Variants in MACROD2 observed in about 807,000 individuals in gnomAD.
The protein encoded by MACROD2 is mono-ADP ribosylhydrolase 2.
Under a neutral mutation model 70.4 loss-of-function variants are expected in MACROD2, and 36 were observed. The observed-to-expected ratio is 0.51, with a 90% CI of 0.39 to 0.68. The LOEUF (loss-of-function observed/expected upper bound fraction) is 0.68. MACROD2 is among the 30% of genes least tolerant of loss of function. The probability of loss-of-function intolerance (pLI) is 0.00; values close to 1 mark genes in which losing one functional copy is unlikely to be tolerated. For synonymous variants in MACROD2, 172 were observed against 178.8 expected, an observed-to-expected ratio of 0.96 and a Z score of 0.30; for missense variants, 496 against 538.4, an observed-to-expected ratio of 0.92 and a Z score of 0.78.
chr20:15,723,191 G>A (rs1050052152), intron 8 of MACROD2, among the ~76,000 whole-genome samples: 5 of 152,070 alleles, frequency 3.3e-5, no homozygotes, highest in Non-Finnish European at 7.4e-5. Flanking sequence ...GATTTCTTGT[G>A]TACCCACCAC....
At chr20:15,828,671 T>C (rs1368839005) in intron 8 of MACROD2, among the ~76,000 whole-genome samples, 2 of 152,246 alleles carry the variant, frequency 1.3e-5, no homozygotes, top group East Asian at 1.9e-4. Context: ...GTTCACTGGG[T>C]ACATTCCAAA....
intron 3 of MACROD2, among the ~76,000 whole-genome samples, chr20:14,228,093 T>G (rs1247743894): frequency 6.6e-6 from 1 of 152,018 alleles, no homozygotes; most frequent in Non-Finnish European, 1.5e-5. Context: ...AGAAATAAAC[T>G]GAAGTGCTTA....
intron 5 of MACROD2, among the ~76,000 whole-genome samples, chr20:14,765,506 C>A (rs204107): frequency 0.67 from 101,639 of 151,798 alleles, 34,495 homozygotes; most frequent in African/African-American, 0.73. Context: ...CATGTTGCCA[C>A]CCATAGGTAG....
chr20:15,171,227 T>C (rs577295881), intron 5 of MACROD2, among the ~76,000 whole-genome samples: 2 of 151,962 alleles, frequency 1.3e-5, no homozygotes, highest in South Asian at 2.1e-4. Context: ...CTCCATCACT[T>C]TCCCTCCATC....
chr20:15,754,811 G>A (rs983970983), intron 8 of MACROD2, among the ~76,000 whole-genome samples: 1 of 151,356 alleles, frequency 6.6e-6, no homozygotes, highest in East Asian at 1.9e-4. Flanking sequence ...ATCACCTGGA[G>A]GGATTCTTCA....
intron 6 of MACROD2, among the ~76,000 whole-genome samples, chr20:15,363,873 A>G (rs778751488): frequency 1.3e-5 from 2 of 152,220 alleles, no homozygotes; most frequent in Non-Finnish European, 2.9e-5. Context: ...GTGGGGGGCT[A>G]GCGGATGCAT....
At chr20:15,775,556 G>A (rs1327759288) in intron 8 of MACROD2, among the ~76,000 whole-genome samples, 2 of 152,070 alleles carry the variant, frequency 1.3e-5, no homozygotes, top group Admixed American at 6.6e-5. Context: ...AGCTTATTTT[G>A]GGGTCCCTTT....
intron 5 of MACROD2, among the ~76,000 whole-genome samples, chr20:15,203,635 G>C (rs1024872213): frequency 6.6e-6 from 1 of 151,972 alleles, no homozygotes; most frequent in Non-Finnish European, 1.5e-5. Context: ...ACTGCCAAAA[G>C]CTATTATTTA....
rs146031033 is a variant in MACROD2 at position 14,840,530 on chromosome 20, C to A, written c.418+155571C>A. Among the ~76,000 whole-genome samples the A allele has an allele frequency of 4.4e-3, 677 of 152,210 alleles. 8 individuals are homozygous for A. The highest frequency in any genetic ancestry group is 0.015 in the African/African-American group (638 of 41,566). On this transcript the variant is annotated intron_variant, in intron 5 of 17. Transcript: ENST00000684519. The stretch of plus-strand genomic sequence containing the variant: ...AGGATTACAGGCCTGAGCCCCCATG[C>A]CCAGTCTCCTGGTGTTCTTGGAGGG...
At chr20:15,403,259 C>T (rs995831439) in intron 6 of MACROD2, among the ~76,000 whole-genome samples, 3 of 152,190 alleles carry the variant, frequency 2.0e-5, no homozygotes, top group Non-Finnish European at 2.9e-5. Context: ...TGAGCCACCG[C>T]GTCTCACCTT....
At chr20:15,960,866 G>C (rs2066050380) in intron 12 of MACROD2, among the ~76,000 whole-genome samples, 1 of 152,136 alleles carries the variant, frequency 6.6e-6, no homozygotes. Flanking sequence ...TGGCTACAAG[G>C]CTTAGCTTGC....
chr20:15,212,607 C>A (rs907414589), intron 5 of MACROD2, among the ~76,000 whole-genome samples: 4 of 152,148 alleles, frequency 2.6e-5, no homozygotes, highest in Non-Finnish European at 4.4e-5. Context: ...GTCATTAACA[C>A]AATATAATGA....
chr20:13,999,270 C>T (rs892045242), intron 1 of MACROD2, among the ~76,000 whole-genome samples: 1 of 152,168 alleles, frequency 6.6e-6, no homozygotes, highest in African/African-American at 2.4e-5. Context: ...ACTTTTCTTT[C>T]ATAGGGCTTC....
At chr20:15,949,580 T>A (rs921546846) in intron 12 of MACROD2, among the ~76,000 whole-genome samples, 1 of 152,152 alleles carries the variant, frequency 6.6e-6, no homozygotes, top group Non-Finnish European at 1.5e-5. Context: ...AAGAAATCTC[T>A]ACCTAGCCCC....
In MACROD2 at chr20:14,326,932, G is replaced by A; in HGVS notation, c.272-166547G>A. 1 of 1,613,802 alleles carries A rather than the reference G, an allele frequency of 6.2e-7. No individual in the cohort carries two copies. The highest frequency in any genetic ancestry group is 8.5e-7 in the Non-Finnish European group (1 of 1,179,806). ...ACTAGTGAGACCTTGAAGAGATGGT[G>A]ATGAAATAGTGGATATGCGATTATC... On this transcript the variant is annotated intron_variant, in intron 3 of 17. Transcript: ENST00000684519. This position sits in a 1 kb window ranked among gnomAD's most constrained non-coding sequence, Gnocchi z 5.5.
At chr20:14,715,158 A>G (rs2071383259) in intron 5 of MACROD2, among the ~76,000 whole-genome samples, 1 of 152,158 alleles carries the variant, frequency 6.6e-6, no homozygotes, top group Admixed American at 6.5e-5. Flanking sequence ...TATGCTTCTC[A>G]TGGTGGCGGC....
At chr20:13,996,229 A>G (rs989996179) in intron 1 of MACROD2, 45 of 217,178 alleles carry the variant, frequency 2.1e-4, no homozygotes, top group South Asian at 4.8e-4. Flanking sequence ...CTCAGGCTGC[A>G]GCTGCCGCTG....
chr20:16,047,325 T>C (rs2067396482), intron 17 of MACROD2, among the ~76,000 whole-genome samples: 1 of 152,208 alleles, frequency 6.6e-6, no homozygotes, highest in Non-Finnish European at 1.5e-5. Context: ...TGGCGTTGTA[T>C]AATTTGTAAT....
chr20:14,217,250 A>G (rs1337344593), intron 3 of MACROD2, among the ~76,000 whole-genome samples: 1 of 152,190 alleles, frequency 6.6e-6, no homozygotes, highest in Non-Finnish European at 1.5e-5. Context: ...CTTTTTCTGC[A>G]TCTATTGAAA....
Sources: allele counts gnomAD v4.1 joint callset (sites outside exome capture counted in the v4.1 genomes callset), GRCh38; gene constraint gnomAD v4.1.1; non-coding constraint Gnocchi (gnomAD v3.1); transcripts MANE v1.5; gene names NCBI Gene and HGNC (gene_info 2026-07-23, HGNC 2026-07-21).